The following PTPN12 variants were observed in gnomAD, a reference collection of about 807,000 sequenced individuals.
PTPN12 encodes the protein protein tyrosine phosphatase non-receptor type 12.
Under a neutral mutation model 97.6 loss-of-function variants are expected in PTPN12, and 29 were observed. That is an observed-to-expected ratio of 0.30 (90% CI 0.22 to 0.41). The LOEUF (loss-of-function observed/expected upper bound fraction) is 0.41. Among genes scored for constraint, PTPN12 ranks in the 10% least tolerant of loss-of-function variants. The pLI is 1.00. For synonymous variants in PTPN12, 327 were observed against 300.4 expected, an observed-to-expected ratio of 1.09 and a Z score of -0.91; for missense variants, 819 against 926.0, an observed-to-expected ratio of 0.88 and a Z score of 1.50.
chr7:77,578,446 C>G (rs1206748489), intron 2 of PTPN12, among the ~76,000 whole-genome samples: 2 of 152,064 alleles, frequency 1.3e-5, no homozygotes, highest in African/African-American at 4.8e-5. Context: ...CATTCTGTTT[C>G]TTAGAATACA....
chr7:77,552,067 A>C (rs958901356), intron 1 of PTPN12, among the ~76,000 whole-genome samples: 6 of 152,362 alleles, frequency 3.9e-5, no homozygotes, highest in African/African-American at 1.4e-4. Flanking sequence ...GATGGTGCAC[A>C]AAAGTAAAAA....
chr7:77,589,381 G>T (rs1247846166), intron 5 of PTPN12, among the ~76,000 whole-genome samples: 1 of 152,126 alleles, frequency 6.6e-6, no homozygotes, highest in African/African-American at 2.4e-5. Flanking sequence ...AGGAGGTAAT[G>T]ATATATTTAC....
At chr7:77,623,431 C>A (rs1789016104) in intron 12 of PTPN12, among the ~76,000 whole-genome samples, 1 of 152,238 alleles carries the variant, frequency 6.6e-6, no homozygotes, top group African/African-American at 2.4e-5. Context: ...GGTCATGAGG[C>A]CGGGCATGGT....
intron 2 of PTPN12, among the ~76,000 whole-genome samples, chr7:77,579,042 A>G (rs1787425504): frequency 6.6e-6 from 1 of 152,208 alleles, no homozygotes; most frequent in South Asian, 2.1e-4. Flanking sequence ...CCAAAAATTC[A>G]TAACTTCGTT....
rs1202704087 is a variant in PTPN12 at position 77,597,868 on chromosome 7, C to T, written c.519C>T (p.Tyr173=). The change falls in exon 7 of 18, where the codon TAC becomes TAT. Residue 173 remains tyrosine, a synonymous_variant. Coordinates refer to ENST00000248594, the MANE Select transcript of PTPN12 (RefSeq NM_002835.4). ...AGGATGAACAAGCAAGAACAGACTA[C>T]TTCATCAGGACACTCTTACTTGAAT... ...SCEDEQARTD[Y]FIRTLLLEFQ... is the part of the protein sequence containing the mutation. The T allele has an allele frequency of 3.1e-6, 5 of 1,612,104 alleles. No homozygotes were observed. The highest frequency in any genetic ancestry group is 4.2e-6 in the Non-Finnish European group (5 of 1,179,292).
intron 12 of PTPN12, among the ~76,000 whole-genome samples, chr7:77,625,522 TCACTCTCA>T (rs1215145369): frequency 1.6e-4 from 7 of 44,772 alleles, no homozygotes; most frequent in South Asian, 9.8e-4. Flanking sequence ...TCTCTCTCTC[TCACTCTCA>T]CTCTCACTCG....
intron 1 of PTPN12, among the ~76,000 whole-genome samples, chr7:77,550,126 C>T (rs1468437382): frequency 6.6e-6 from 1 of 152,092 alleles, no homozygotes; most frequent in African/African-American, 2.4e-5. Context: ...TGCCTTTGTG[C>T]CTCCCTTTGA....
intron 2 of PTPN12, among the ~76,000 whole-genome samples, chr7:77,573,437 CG>C (rs763808401): frequency 3.4e-4 from 51 of 152,152 alleles, no homozygotes; most frequent in Non-Finnish European, 5.6e-4. Context: ...CAAGCTCTCT[CG>C]GGCCTCTTTA....
At chr7:77,569,913 T>A (rs1808403978) in intron 1 of PTPN12, among the ~76,000 whole-genome samples, 1 of 152,182 alleles carries the variant, frequency 6.6e-6, no homozygotes, top group African/African-American at 2.4e-5. Context: ...GGTCTTGAAC[T>A]CCTGGCTTCA....
At chr7:77,607,070 G>A (rs911950822) in intron 8 of PTPN12, 165 bp from the exon 9 acceptor site, 1 of 535,820 alleles carries the variant, frequency 1.9e-6, no homozygotes, top group Non-Finnish European at 3.3e-6. Context: ...TGTAACAGAT[G>A]TTGCCATGAA....
chr7:77,551,866 G>A (rs1807494114), intron 1 of PTPN12, among the ~76,000 whole-genome samples: 1 of 152,062 alleles, frequency 6.6e-6, no homozygotes, highest in Non-Finnish European at 1.5e-5. Context: ...GTTTATTTTG[G>A]TGCAAAACAA....
intron 1 of PTPN12, among the ~76,000 whole-genome samples, chr7:77,558,084 G>C (rs556844188): frequency 4.6e-5 from 7 of 151,520 alleles, no homozygotes; most frequent in African/African-American, 1.7e-4. Flanking sequence ...GGTGGTGGGC[G>C]CGTGTAATCC....
chr7:77,569,180 CT>C (rs1186310713), intron 1 of PTPN12, among the ~76,000 whole-genome samples: 2 of 152,176 alleles, frequency 1.3e-5, no homozygotes, highest in African/African-American at 4.8e-5. Flanking sequence ...AATAGTTTTT[CT>C]TCCAGAGATG....
At chr7:77,542,185 A>G (rs979604313) in intron 1 of PTPN12, among the ~76,000 whole-genome samples, 1 of 152,194 alleles carries the variant, frequency 6.6e-6, no homozygotes, top group African/African-American at 2.4e-5. Flanking sequence ...ATTTTATTCT[A>G]CAGACCGATA....
intron 1 of PTPN12, among the ~76,000 whole-genome samples, chr7:77,541,177 G>T (rs1003698441): frequency 6.6e-6 from 1 of 152,146 alleles, no homozygotes; most frequent in Non-Finnish European, 1.5e-5. Context: ...GGCAGCGTCG[G>T]TCTCCCTGGG....
intron 11 of PTPN12, among the ~76,000 whole-genome samples, chr7:77,612,093 A>AT (rs1416444401): frequency 6.6e-6 from 1 of 151,498 alleles, no homozygotes; most frequent in Non-Finnish European, 1.5e-5. Flanking sequence ...TATAACCTTC[A>AT]TTTTCCTTTT....
chr7:77,587,893 C>T (rs1172911257), intron 5 of PTPN12, among the ~76,000 whole-genome samples: 2 of 152,180 alleles, frequency 1.3e-5, no homozygotes, highest in African/African-American at 4.8e-5. Context: ...CCTTAAACTT[C>T]GTGAACCAGC....
At chr7:77,578,803 C>G (rs139576076) in intron 2 of PTPN12, among the ~76,000 whole-genome samples, 1 of 152,214 alleles carries the variant, frequency 6.6e-6, no homozygotes, top group Non-Finnish European at 1.5e-5. Context: ...AATCCAGAAA[C>G]AATGAATACT....
chr7:77,544,770 T>C (rs1807137213), intron 1 of PTPN12, among the ~76,000 whole-genome samples: 2 of 152,264 alleles, frequency 1.3e-5, no homozygotes, highest in Non-Finnish European at 2.9e-5. Context: ...TCCCCATTGC[T>C]TAATATAGTG....
Sources: gnomAD v4.1 joint callset for allele counts (sites outside exome capture counted in the v4.1 genomes callset) on GRCh38, gnomAD v4.1.1 for gene constraint, MANE v1.5 for transcripts, NCBI Gene and HGNC (gene_info 2026-07-23, HGNC 2026-07-21) for gene names.